Variants in PRKAR2A observed in about 807,000 individuals in gnomAD.
PRKAR2A encodes the protein cAMP-dependent protein kinase type II-alpha regulatory subunit.
PRKAR2A carries 29 observed loss-of-function variants against 51.9 expected under a neutral mutation model. The ratio of observed to expected loss-of-function variants is 0.56; its 90% CI spans 0.42 to 0.76. The LOEUF (loss-of-function observed/expected upper bound fraction) is 0.76, where lower values mean the gene tolerates loss of function less well. PRKAR2A is among the 30% of genes least tolerant of loss of function. The pLI, the probability that PRKAR2A is intolerant of heterozygous loss-of-function variation, is 0.00. For missense variants in PRKAR2A, 445 were observed against 512.1 expected, an observed-to-expected ratio of 0.87 and a Z score of 1.26; for synonymous variants, 178 against 186.2, an observed-to-expected ratio of 0.96 and a Z score of 0.36.
At chr3:48,835,658 A>G (rs982287008) in intron 1 of PRKAR2A, among the ~76,000 whole-genome samples, 3 of 150,404 alleles carry the variant, frequency 2.0e-5, no homozygotes, top group Non-Finnish European at 4.4e-5. Flanking sequence ...AAAAAAAAAA[A>G]GCCAGGTGTG....
chr3:48,839,913 A>G (rs751736379), intron 1 of PRKAR2A, among the ~76,000 whole-genome samples: 1 of 152,188 alleles, frequency 6.6e-6, no homozygotes, highest in Non-Finnish European at 1.5e-5. Flanking sequence ...TAAGTGTACA[A>G]TTCAGTGTCA....
intron 4 of PRKAR2A, among the ~76,000 whole-genome samples, chr3:48,790,104 A>G (rs1438350428): frequency 1.3e-5 from 2 of 152,096 alleles, no homozygotes; most frequent in Non-Finnish European, 2.9e-5. Context: ...GTACTGCTAT[A>G]TGGTGACTAA....
chr3:48,784,092 G>A (rs1248182093), intron 4 of PRKAR2A, among the ~76,000 whole-genome samples: 1 of 152,054 alleles, frequency 6.6e-6, no homozygotes, highest in Non-Finnish European at 1.5e-5. Context: ...CATCAACTAT[G>A]TCAATAAGTA....
intron 1 of PRKAR2A, among the ~76,000 whole-genome samples, chr3:48,816,587 G>A (rs933267005): frequency 9.2e-5 from 14 of 151,860 alleles, no homozygotes; most frequent in Non-Finnish European, 1.9e-4. Flanking sequence ...GCAGTGAGCC[G>A]AGATCGCACC....
At chr3:48,766,230 TCAA>T (rs370460045) in intron 6 of PRKAR2A, among the ~76,000 whole-genome samples, 9 of 147,820 alleles carry the variant, frequency 6.1e-5, no homozygotes, top group East Asian at 4.0e-4. Flanking sequence ...AACAACAATA[TCAA>T]CAACAACAAC....
chr3:48,756,618 GA>G (rs562679450), intron 8 of PRKAR2A, among the ~76,000 whole-genome samples, 174 bp from the exon 9 acceptor site: 15 of 148,204 alleles, frequency 1.0e-4, no homozygotes, highest in Non-Finnish European at 1.5e-4. Flanking sequence ...TTAGGAAAAG[GA>G]AAAAAAAAAG....
At chr3:48,833,276 G>A (rs992105772) in intron 1 of PRKAR2A, among the ~76,000 whole-genome samples, 1 of 152,088 alleles carries the variant, frequency 6.6e-6, no homozygotes, top group Non-Finnish European at 1.5e-5. Context: ...TTGGGCTCAA[G>A]CAATCCTCCC....
At chr3:48,824,057 A>G (rs1199666588) in intron 1 of PRKAR2A, among the ~76,000 whole-genome samples, 1 of 152,308 alleles carries the variant, frequency 6.6e-6, no homozygotes, top group East Asian at 1.9e-4. Context: ...CCTGGCCAAC[A>G]TGGCGAAACC....
At chr3:48,794,185 C>T in intron 2 of PRKAR2A, 136 bp from the exon 3 acceptor site, 1 of 663,780 alleles carries the variant, frequency 1.5e-6, no homozygotes, top group Non-Finnish European at 2.4e-6. Context: ...GAGTTTTGCT[C>T]TTGTTGCCCA....
chr3:48,842,931 A>G (rs1294088034), intron 1 of PRKAR2A, among the ~76,000 whole-genome samples: 2 of 152,258 alleles, frequency 1.3e-5, no homozygotes, highest in Non-Finnish European at 2.9e-5. Context: ...GGCCTCATAA[A>G]ATGAGTTAGG....
At chr3:48,758,618 TGAA>T (rs1414058041) in intron 8 of PRKAR2A, among the ~76,000 whole-genome samples, 11 of 145,908 alleles carry the variant, frequency 7.5e-5, no homozygotes, top group Non-Finnish European at 1.7e-4. Context: ...GAAAACAAAA[TGAA>T]GAAGACAGCA....
At chr3:48,838,779 C>T (rs1396626953) in intron 1 of PRKAR2A, among the ~76,000 whole-genome samples, 1 of 148,762 alleles carries the variant, frequency 6.7e-6, no homozygotes, top group East Asian at 2.0e-4. Context: ...GAGATCGAGA[C>T]CATCCCGGCT....
At chr3:48,756,281 A>T (rs2081762347) in intron 9 of PRKAR2A, 98 bp downstream of exon 9, 1 of 1,071,170 alleles carries the variant, frequency 9.3e-7, no homozygotes, top group African/African-American at 1.6e-5. Flanking sequence ...CACCTCACAT[A>T]ACAATGATGG....
intron 1 of PRKAR2A, among the ~76,000 whole-genome samples, chr3:48,817,031 T>A (rs181117051): frequency 1.3e-5 from 2 of 151,460 alleles, no homozygotes; most frequent in Non-Finnish European, 2.9e-5. Context: ...AAAATAATAA[T>A]AATAATAAGG....
chr3:48,765,037 C>A lies in PRKAR2A; in HGVS notation c.840G>T (p.Lys280Asn). ...TTATGCGTTCTCCATCCTTATAGAT[C>A]TTCTCTCCTATTACATCCACAATCT... Reference protein sequence around the residue: ...RMKIVDVIGEKIYKDGERIIT... With the variant: ...RMKIVDVIGENIYKDGERIIT... Residue 280 changes from lysine to asparagine, a missense_variant, in exon 8 of 11, where the codon AAG (lysine) becomes AAT (asparagine). Coordinates refer to ENST00000265563, the MANE Select transcript of PRKAR2A (RefSeq NM_004157.4). 6.2e-7 allele frequency: 1 copy of A among 1,614,194 alleles called. No individual in the cohort carries two copies. Among genetic ancestry groups the A allele is most frequent in the Non-Finnish European group, 8.5e-7 (1 of 1,180,012 alleles).
intron 1 of PRKAR2A, among the ~76,000 whole-genome samples, chr3:48,823,937 A>G (rs1162607321): frequency 6.6e-6 from 1 of 151,782 alleles, no homozygotes; most frequent in East Asian, 1.9e-4. Context: ...AATAAGAACA[A>G]GGGCCAGGGC....
chr3:48,828,884 A>T (rs1003604833), intron 1 of PRKAR2A, among the ~76,000 whole-genome samples: 1 of 151,396 alleles, frequency 6.6e-6, no homozygotes, highest in African/African-American at 2.4e-5. Context: ...CCCAGGCTGG[A>T]GTGCAGTAGC....
At chr3:48,834,725 A>AG (rs1384826055) in intron 1 of PRKAR2A, among the ~76,000 whole-genome samples, 1 of 149,960 alleles carries the variant, frequency 6.7e-6, no homozygotes, top group Non-Finnish European at 1.5e-5. Context: ...ACCTGTCTCA[A>AG]GAAAAAAAAA....
chr3:48,775,577 T>G (rs1306366920), intron 5 of PRKAR2A, among the ~76,000 whole-genome samples: 1 of 150,740 alleles, frequency 6.6e-6, no homozygotes, highest in Non-Finnish European at 1.5e-5. Flanking sequence ...AAACATAAAC[T>G]TTTCAGTTTC....
Sources: gnomAD v4.1 joint callset for allele counts (sites outside exome capture counted in the v4.1 genomes callset) on GRCh38, gnomAD v4.1.1 for gene constraint, MANE v1.5 for transcripts, NCBI Gene and HGNC (gene_info 2026-07-23, HGNC 2026-07-21) for gene names.